CLTCL1: variants seen among roughly 807,000 people sequenced by gnomAD.
CLTCL1 encodes the protein clathrin heavy chain like 1, also known as clathrin heavy chain 2.
A neutral mutation model predicts 190.0 loss-of-function variants in CLTCL1; 159 were observed. The ratio of observed to expected loss-of-function variants is 0.84; its 90% CI spans 0.74 to 0.95. The LOEUF (loss-of-function observed/expected upper bound fraction) is 0.95. Among genes scored for constraint, CLTCL1 ranks in the 40% least tolerant of loss-of-function variants. The pLI, the probability that CLTCL1 is intolerant of heterozygous loss-of-function variation, is 0.00. For synonymous variants in CLTCL1, 752 were observed against 769.6 expected, an observed-to-expected ratio of 0.98 and a Z score of 0.38; for missense variants, 1,878 against 2,033.4, an observed-to-expected ratio of 0.92 and a Z score of 1.47.
At chr22:19,290,971 G>A (rs1430814743) in intron 1 of CLTCL1, among the ~76,000 whole-genome samples, 1 of 152,170 alleles carries the variant, frequency 6.6e-6, no homozygotes, top group Non-Finnish European at 1.5e-5. Context: ...ACCCGCGAGC[G>A]GCCCGCACGA....
At chr22:19,219,161 A>T (rs559601182) in intron 18 of CLTCL1, among the ~76,000 whole-genome samples, 14 of 125,040 alleles carry the variant, frequency 1.1e-4, no homozygotes, top group African/African-American at 2.2e-4. Flanking sequence ...AAGATGTTTT[A>T]TTTATTTATT....
At chr22:19,234,459 G>C (rs1555960821) in intron 7 of CLTCL1, 50 bp downstream of exon 7, 1 of 1,445,234 alleles carries the variant, frequency 6.9e-7, no homozygotes, top group Non-Finnish European at 9.5e-7. Context: ...TTCCTCTCAA[G>C]GTTGGTTCTT....
chr22:19,194,171 T>A (rs1458316635), intron 26 of CLTCL1, among the ~76,000 whole-genome samples: 1 of 152,192 alleles, frequency 6.6e-6, no homozygotes, highest in African/African-American at 2.4e-5. Flanking sequence ...AGAGTGCTGA[T>A]TGGTGTACTT....
intron 2 of CLTCL1, among the ~76,000 whole-genome samples, chr22:19,261,141 TTTG>T (rs2086936512): frequency 6.6e-6 from 1 of 151,770 alleles, no homozygotes; most frequent in African/African-American, 2.4e-5. Flanking sequence ...AGACGGAGTC[TTTG>T]CTCTGTTGCC....
chr22:19,204,896 T>TAAAG (rs2085003705), intron 22 of CLTCL1, among the ~76,000 whole-genome samples: 1 of 152,012 alleles, frequency 6.6e-6, no homozygotes, highest in African/African-American at 2.4e-5. Context: ...TGAACATAGG[T>TAAAG]AAAGAGCCAG....
chr22:19,200,088 T>C (rs923924866), intron 23 of CLTCL1, among the ~76,000 whole-genome samples: 1 of 152,206 alleles, frequency 6.6e-6, no homozygotes, highest in Non-Finnish European at 1.5e-5. Context: ...CATTACTTCG[T>C]AGGCCCTGAG....
chr22:19,252,844 C>G (rs1463017329), intron 3 of CLTCL1, among the ~76,000 whole-genome samples: 2 of 152,074 alleles, frequency 1.3e-5, no homozygotes, highest in Non-Finnish European at 2.9e-5. Context: ...GAAACCCCAT[C>G]TCTACTAAAA....
rs963385760 is a variant in CLTCL1, at chr22:19,180,586, C to G, written c.4903+145G>C. ...CCAACATTCCTGGGCGTACACTTCT[C>G]CACACCCAGTAGCCACTGGGATCCT... On this transcript the variant is annotated intron_variant, in intron 31 of 32. Coordinates refer to ENST00000427926, the MANE Select transcript of CLTCL1 (RefSeq NM_007098.4). The G allele has an allele frequency of 4.0e-5, 30 of 753,670 alleles. 2 individuals carry two copies. In the South Asian group the frequency reaches 5.0e-4, roughly 13 times the overall value. 46.7% of individuals were successfully genotyped at this position (753,670 alleles called of 1,614,324 possible). A position where few individuals can be genotyped will look rare whatever the true frequency, so the allele number is the denominator to read the frequency against.
intron 19 of CLTCL1, 44 bp downstream of exon 19, chr22:19,216,067 T>G: frequency 6.3e-7 from 1 of 1,595,366 alleles, no homozygotes; most frequent in South Asian, 1.1e-5. Flanking sequence ...AAGCAGATGT[T>G]TTGAATCTGC....
At chr22:19,197,962 T>TGG (rs2146297734) in intron 24 of CLTCL1, among the ~76,000 whole-genome samples, 1 of 152,272 alleles carries the variant, frequency 6.6e-6, no homozygotes, top group East Asian at 1.9e-4. Context: ...CTGCTCTAGC[T>TGG]AGGCCCCTCC....
Position 19,223,887 on chromosome 22 carries a change from A to G in CLTCL1, c.2292+4T>C, listed in dbSNP as rs781964442. The G allele has an allele frequency of 2.5e-6, 4 of 1,613,340 alleles. No homozygotes were observed. Among genetic ancestry groups the G allele is most frequent in the Non-Finnish European group, 3.4e-6 (4 of 1,179,842 alleles). On this transcript the variant is annotated splice_donor_region_variant and intron_variant, in intron 14 of 32. Coordinates refer to ENST00000427926, the MANE Select transcript of CLTCL1 (RefSeq NM_007098.4). ...TCATGGAAGGAGGCAGCACTGGAAC[A>G]CACCTTCAGGAAGTTCTTCACACGC...
At chr22:19,272,978 G>C (rs896265370) in intron 2 of CLTCL1, among the ~76,000 whole-genome samples, 5 of 152,054 alleles carry the variant, frequency 3.3e-5, no homozygotes, top group African/African-American at 7.2e-5. Context: ...GCTGCTTCAC[G>C]AGCCCCTTTC....
chr22:19,209,435 G>C (rs1473480165), intron 20 of CLTCL1: 1 of 248,248 alleles, frequency 4.0e-6, no homozygotes, highest in South Asian at 9.1e-5. Context: ...CAGTGCAACA[G>C]AGCATAGAAA....
chr22:19,217,678 T>G (rs1601550623), intron 18 of CLTCL1, among the ~76,000 whole-genome samples: 1 of 111,488 alleles, frequency 9.0e-6, no homozygotes, highest in African/African-American at 3.4e-5. Flanking sequence ...TGAAACCCCA[T>G]CTCTACTAAA....
chr22:19,196,686 G>A (rs782360220), intron 24 of CLTCL1, 30 bp from the exon 25 acceptor site: 2 of 1,595,156 alleles, frequency 1.3e-6, no homozygotes, highest in East Asian at 4.5e-5. Flanking sequence ...GCGTGGGGCA[G>A]AGTGATTGCA....
At position 19,283,273 on chromosome 22, in the gene CLTCL1, A is replaced by T. The variant is rs532964527; in HGVS notation, c.43-7443T>A. 3.3e-5 allele frequency among the ~76,000 whole-genome samples: 5 copies of T among 150,568 alleles called. 1 individual carries two copies. Among genetic ancestry groups the T allele is most frequent in the Admixed American group, 6.6e-5 (1 of 15,062 alleles). Reference sequence around the variant, plus strand: ...AACCTAGCTACACATTTTTAAAAAAATTTTCTTTCTTTTTTTCTTTCTTTT... The same window carrying T: ...AACCTAGCTACACATTTTTAAAAAATTTTTCTTTCTTTTTTTCTTTCTTTT... On this transcript the variant is annotated intron_variant, in intron 1 of 32. Transcript: ENST00000427926.
At chr22:19,249,682 C>A (rs1204734830) in intron 3 of CLTCL1, among the ~76,000 whole-genome samples, 1 of 151,478 alleles carries the variant, frequency 6.6e-6, no homozygotes, top group African/African-American at 2.4e-5. Context: ...GACAACAGAG[C>A]AAGGCTCTGT....
At chr22:19,241,597 G>A (rs989855006) in intron 4 of CLTCL1, among the ~76,000 whole-genome samples, 7 of 152,206 alleles carry the variant, frequency 4.6e-5, no homozygotes, top group Non-Finnish European at 1.5e-5. Flanking sequence ...CGGGGCTAAC[G>A]AACAACCCAA....
chr22:19,227,277 CTTTTTTT>C (rs11375007), intron 11 of CLTCL1, among the ~76,000 whole-genome samples: 1 of 121,094 alleles, frequency 8.3e-6, no homozygotes, highest in South Asian at 2.7e-4. Flanking sequence ...GGCATAAAAT[CTTTTTTT>C]TTTTTTTTTT....
Sources: gnomAD v4.1 joint callset for allele counts (sites outside exome capture counted in the v4.1 genomes callset) on GRCh38, gnomAD v4.1.1 for gene constraint, MANE v1.5 for transcripts, NCBI Gene and HGNC (gene_info 2026-07-23, HGNC 2026-07-21) for gene names.